Variants in SHQ1 observed in about 807,000 individuals in gnomAD.
SHQ1 encodes protein SHQ1 homolog.
SHQ1 carries 49 observed loss-of-function variants against 53.8 expected under a neutral mutation model. The observed-to-expected ratio is 0.91, with a 90% CI of 0.72 to 1.16. The LOEUF is 1.16. Ranked by LOEUF, SHQ1 falls within the 50% of genes most tolerant of loss-of-function variation. SHQ1 has a pLI of 0.00. For synonymous variants in SHQ1, 243 were observed against 251.0 expected (o/e 0.97, Z 0.30); for missense variants, 738 against 683.1 (o/e 1.08, Z -0.90).
At position 72,750,608 on chromosome 3, in the gene SHQ1, G is replaced by C; in HGVS notation, c.1410C>G (p.Asp470Glu). The C allele has an allele frequency of 6.2e-7, 1 of 1,614,210 alleles. No individual in the cohort carries two copies. The highest frequency in any genetic ancestry group is 8.5e-7 in the Non-Finnish European group (1 of 1,180,034). Residue 470 changes from aspartate (D) to glutamate (E), a missense_variant, in exon 11 of 11, where the codon GAC (aspartate) becomes GAG (glutamate). Physicochemically the swap from Asp to Glu is conservative, Grantham distance 45. Transcript: ENST00000325599. ...CATCTTGTTCTGAATCTGAGCCTGA[G>C]TCTTCGTTTCCAGATGACACGCTGC... The part of the protein sequence containing the change: ...SDSSVSSGNE[D>E]SGSDSEQDEL...
rs1708169478 is a variant in SHQ1 at position 72,841,162 on chromosome 3, T to C, written c.369A>G (p.Glu123=). The part of the protein sequence containing the change: ...SEIPEEVVDD[E]EFDWEIEQTP... ...TCTGCTCAATTTCCCAATCAAACTCTTCATCGTCAACTACTTCCTCAGGAA... is the reference window on the plus strand; with the variant it reads ...TCTGCTCAATTTCCCAATCAAACTCCTCATCGTCAACTACTTCCTCAGGAA... Residue 123 remains glutamate, a synonymous_variant, in exon 4 of 11, where the codon GAA becomes GAG. Transcript: ENST00000325599. The C allele has an allele frequency of 3.1e-6, 5 of 1,613,586 alleles. No homozygotes were observed. The highest frequency in any genetic ancestry group is 1.6e-4 in the Middle Eastern group (1 of 6,062).
intron 10 of SHQ1, among the ~76,000 whole-genome samples, chr3:72,778,787 G>C (rs1379838637): frequency 1.3e-5 from 2 of 152,120 alleles, no homozygotes; most frequent in Non-Finnish European, 2.9e-5. Flanking sequence ...CACCACAAAA[G>C]AGTTTAAGTT....
At chr3:72,833,558 T>TAGAC (rs1310320732) in intron 4 of SHQ1, among the ~76,000 whole-genome samples, 3 of 143,296 alleles carry the variant, frequency 2.1e-5, no homozygotes, top group Admixed American at 6.9e-5. Context: ...GATAGATAGA[T>TAGAC]AGATAGATAG....
At chr3:72,784,407 G>C (rs1027968138) in intron 10 of SHQ1, among the ~76,000 whole-genome samples, 1 of 152,156 alleles carries the variant, frequency 6.6e-6, no homozygotes, top group African/African-American at 2.4e-5. Flanking sequence ...TGGTGATAAG[G>C]TACAGAACCA....
chr3:72,786,313 T>C (rs888910200), intron 10 of SHQ1, among the ~76,000 whole-genome samples: 9 of 152,198 alleles, frequency 5.9e-5, no homozygotes, highest in Non-Finnish European at 1.2e-4. Flanking sequence ...GTCAGTCTCA[T>C]ACCCTCACTC....
At chr3:72,765,871 AC>A (rs1445929847) in intron 10 of SHQ1, among the ~76,000 whole-genome samples, 2 of 152,130 alleles carry the variant, frequency 1.3e-5, no homozygotes, top group Non-Finnish European at 2.9e-5. Context: ...ACTTGAAAGT[AC>A]TATGTGTTCA....
At chr3:72,742,298 AT>A in the SHQ1 span, among the ~76,000 whole-genome samples, 843 of 152,272 alleles carry the variant, frequency 5.5e-3, 8 homozygotes, top group African/African-American at 0.018. Flanking sequence ...CACCTAGAGG[AT>A]CTAGGCATCC....
At chr3:72,766,498 AAAGT>A (rs1457885887) in intron 10 of SHQ1, among the ~76,000 whole-genome samples, 8 of 152,196 alleles carry the variant, frequency 5.3e-5, no homozygotes, top group African/African-American at 1.9e-4. Context: ...TTGTTCTTGA[AAAGT>A]AAGACATAGA....
At chr3:72,730,379 G>A in the SHQ1 span, among the ~76,000 whole-genome samples, 1 of 152,168 alleles carries the variant, frequency 6.6e-6, no homozygotes, top group Non-Finnish European at 1.5e-5. Context: ...CTCCCAAAGT[G>A]CTGAGATTAC....
Position 72,772,555 on chromosome 3 carries a change from G to T in SHQ1, c.1181+20361C>A, listed in dbSNP as rs1705878137. 4 of 684,180 alleles carry T rather than the reference G, an allele frequency of 5.8e-6. No homozygotes were observed. In the East Asian group the frequency reaches 8.7e-5, roughly 15 times the overall value. The allele number at this position is 684,180 out of a possible 1,614,324, so 42.4% of individuals were successfully genotyped here. Reference sequence around the variant, plus strand: ...CAACCTAAGCTTTAGAGCATGGGAAGATTGGGCAATTTATCCAGAACCATT... The same window carrying T: ...CAACCTAAGCTTTAGAGCATGGGAATATTGGGCAATTTATCCAGAACCATT... On this transcript the variant is annotated intron_variant, in intron 10 of 10. Coordinates refer to ENST00000325599, the MANE Select transcript of SHQ1 (RefSeq NM_018130.3).
Position 72,815,331 on chromosome 3 carries a change from T to C in SHQ1, c.936+19A>G, listed in dbSNP as rs769883746. On this transcript the variant is annotated intron_variant, in intron 8 of 10. Coordinates refer to ENST00000325599, the MANE Select transcript of SHQ1 (RefSeq NM_018130.3). ...TTCCTGAACAACAAATTCTAAACAATTGCAACTGGAAATCATACCTCAAAC... is the reference window on the plus strand; with the variant it reads ...TTCCTGAACAACAAATTCTAAACAACTGCAACTGGAAATCATACCTCAAAC... 31 of 1,607,742 alleles carry C rather than the reference T, an allele frequency of 1.9e-5. No individual in the cohort carries two copies. Among genetic ancestry groups the C allele is most frequent in the Admixed American group, 1.0e-4 (6 of 59,914 alleles).
intron 10 of SHQ1, among the ~76,000 whole-genome samples, chr3:72,770,755 T>C (rs1237677429): frequency 6.6e-6 from 1 of 152,030 alleles, no homozygotes; most frequent in Non-Finnish European, 1.5e-5. Context: ...AAGAGGCAAA[T>C]GTGTCTTCCT....
chr3:72,823,709 A>C (rs1707557715), intron 6 of SHQ1, among the ~76,000 whole-genome samples: 1 of 152,252 alleles, frequency 6.6e-6, no homozygotes, highest in African/African-American at 2.4e-5. Context: ...GCGACTGTTT[A>C]GATGTGGGAA....
chr3:72,844,470 A>G (rs1708270999), intron 1 of SHQ1, 47 bp from the exon 2 acceptor site: 4 of 1,446,936 alleles, frequency 2.8e-6, no homozygotes, highest in Non-Finnish European at 3.9e-6. Context: ...TTATAACGTA[A>G]CATAAGTGGC....
chr3:72,846,262 G>A (rs981310707), intron 1 of SHQ1: 5 of 1,534,778 alleles, frequency 3.3e-6, no homozygotes, highest in African/African-American at 2.7e-5. Context: ...AGAGGGACCA[G>A]GTTTTATTCA....
At chr3:72,824,658 A>G (rs6786469) in intron 5 of SHQ1, 107 bp from the exon 6 acceptor site, 289,168 of 1,288,686 alleles carry the variant, frequency 0.22, 34,621 homozygotes, top group Non-Finnish European at 0.24. Flanking sequence ...ATTTTAATTC[A>G]AAGTACATTT....
At chr3:72,776,966 A>T (rs1257540696) in intron 10 of SHQ1, among the ~76,000 whole-genome samples, 4 of 152,228 alleles carry the variant, frequency 2.6e-5, no homozygotes, top group Non-Finnish European at 4.4e-5. Context: ...GAAAGGATAG[A>T]CTATTTAATA....
intron 4 of SHQ1, among the ~76,000 whole-genome samples, chr3:72,835,502 T>C (rs1707966528): frequency 6.6e-6 from 1 of 152,156 alleles, no homozygotes; most frequent in Admixed American, 6.5e-5. Context: ...TTATTTCACC[T>C]TGACCAGAAA....
intron 6 of SHQ1, among the ~76,000 whole-genome samples, chr3:72,818,006 G>A (rs751107603): frequency 6.6e-6 from 1 of 151,030 alleles, no homozygotes; most frequent in Non-Finnish European, 1.5e-5. Context: ...GCACCTTCTC[G>A]CCTCCTGAAT....
Sources: allele counts gnomAD v4.1 joint callset (sites outside exome capture counted in the v4.1 genomes callset), GRCh38; gene constraint gnomAD v4.1.1; transcripts MANE v1.5; gene names NCBI Gene and HGNC (gene_info 2026-07-23, HGNC 2026-07-21).